Variants in DISP1 observed in about 807,000 individuals in gnomAD.
DISP1 encodes dispatched RND transporter family member 1.
In DISP1, 30 loss-of-function variants were observed where a neutral mutation model predicts 37.3. The observed-to-expected ratio is 0.80, with a 90% confidence interval of 0.60 to 1.09. The LOEUF (loss-of-function observed/expected upper bound fraction) is 1.09, where lower values mean the gene tolerates loss of function less well. Ranked by LOEUF, DISP1 falls within the 50% of genes least tolerant of loss-of-function variation. The pLI is 0.00. For synonymous variants in DISP1, 634 were observed against 690.2 expected (o/e 0.92, Z 1.28); for missense variants, 1,598 against 1,879.5 (o/e 0.85, Z 2.77).
chr1:222,867,648 A>G (rs542644424), intron 1 of DISP1, among the ~76,000 whole-genome samples: 36 of 152,314 alleles, frequency 2.4e-4, no homozygotes, highest in Non-Finnish European at 4.6e-4. Context: ...AGAGGAGGAA[A>G]TGGACCTCCA....
At chr1:222,835,470 C>G (rs1666811063) in intron 1 of DISP1, among the ~76,000 whole-genome samples, 1 of 152,030 alleles carries the variant, frequency 6.6e-6, no homozygotes, top group African/African-American at 2.4e-5. Flanking sequence ...TAATTTGTTT[C>G]CTTGCAAATA....
chr1:222,824,002 A>G (rs956585891), intron 1 of DISP1: 3 of 151,832 alleles, frequency 2.0e-5, no homozygotes, highest in Non-Finnish European at 4.4e-5. Flanking sequence ...ATCTCATTAC[A>G]TTTTTTTGTT....
At chr1:222,937,290 C>G (rs1674017071) in intron 2 of DISP1, among the ~76,000 whole-genome samples, 2 of 151,536 alleles carry the variant, frequency 1.3e-5, no homozygotes, top group South Asian at 4.2e-4. Flanking sequence ...CGAGGTTTCA[C>G]CGTGTTAGCC....
intron 1 of DISP1, among the ~76,000 whole-genome samples, chr1:222,845,917 T>C (rs1238018200): frequency 6.6e-6 from 1 of 152,244 alleles, no homozygotes; most frequent in Non-Finnish European, 1.5e-5. Context: ...TCAATGTCCT[T>C]GGTAGACATT....
At chr1:222,996,320 A>G (rs759311650) in intron 8 of DISP1, among the ~76,000 whole-genome samples, 3 of 152,236 alleles carry the variant, frequency 2.0e-5, no homozygotes, top group Non-Finnish European at 4.4e-5. Flanking sequence ...GAAATTTACT[A>G]TGTGCAAGAC....
At chr1:222,939,712 C>G (rs1302773591) in intron 2 of DISP1, among the ~76,000 whole-genome samples, 1 of 151,798 alleles carries the variant, frequency 6.6e-6, no homozygotes, top group Non-Finnish European at 1.5e-5. Context: ...CACCTGTGAT[C>G]CCTGCTACTC....
intron 2 of DISP1, among the ~76,000 whole-genome samples, chr1:222,931,165 G>T (rs1481064223): frequency 6.6e-6 from 1 of 151,946 alleles, no homozygotes; most frequent in Non-Finnish European, 1.5e-5. Context: ...ACTTTTAAGT[G>T]CTTTATGGTG....
At chr1:222,931,185 A>C (rs902586724) in intron 2 of DISP1, among the ~76,000 whole-genome samples, 1 of 151,982 alleles carries the variant, frequency 6.6e-6, no homozygotes, top group African/African-American at 2.4e-5. Flanking sequence ...GATTGATCTC[A>C]GTTTTTGGCT....
chr1:222,825,553 T>G (rs1318663501), intron 1 of DISP1, among the ~76,000 whole-genome samples: 1 of 146,710 alleles, frequency 6.8e-6, no homozygotes, highest in Non-Finnish European at 1.5e-5. Flanking sequence ...CAGGCTAGAG[T>G]GCAGTGGCAC....
rs1669059637 is a variant in DISP1, at chr1:222,864,407, TA to T, written c.-159+49332del. 3.3e-5 allele frequency among the ~76,000 whole-genome samples: 5 copies of T among 152,226 alleles called. No individual in the cohort carries two copies. The South Asian group carries it at 1.0e-3, about 32-fold the overall frequency. ...AGATGCTAAATAAAACTTTCTTGAG[TA>T]AATAGCTCTCTTCTTACCATTTATT... On this transcript the variant is annotated intron_variant, in intron 1 of 8. Transcript: ENST00000675850.
intron 1 of DISP1, among the ~76,000 whole-genome samples, chr1:222,924,476 A>C (rs913380783): frequency 3.3e-5 from 5 of 152,274 alleles, no homozygotes; most frequent in South Asian, 4.1e-4. Flanking sequence ...GACTAACTTC[A>C]AGTCTTCAGT....
At chr1:222,868,751 T>C (rs1257870266) in intron 1 of DISP1, among the ~76,000 whole-genome samples, 1 of 152,140 alleles carries the variant, frequency 6.6e-6, no homozygotes, top group East Asian at 1.9e-4. Flanking sequence ...TCTTCAATAA[T>C]AACATATGTA....
At chr1:222,871,094 T>C (rs1199847906) in intron 1 of DISP1, among the ~76,000 whole-genome samples, 1 of 152,182 alleles carries the variant, frequency 6.6e-6, no homozygotes. Flanking sequence ...AAAGATCAGA[T>C]AGTTGTAGAT....
Position 223,003,510 on chromosome 1 carries a change from T to C in DISP1, c.2113T>C (p.Phe705Leu). 6.2e-7 allele frequency: 1 copy of C among 1,614,168 alleles called. No individual in the cohort carries two copies. The highest frequency in any genetic ancestry group is 1.3e-5 in the African/African-American group (1 of 75,024). ...TGCCATTTCAGAAGCATCTCGAATT[T>C]TTTTCGAAAAAGTATTGCCATGCAT... ...LFAISEASRI[F>L]FEKVLPCIVI... Residue 705 changes from phenylalanine to leucine, a missense_variant, in exon 9 of 9, where the codon TTT (phenylalanine) becomes CTT (leucine). By Grantham distance (22) the Phe-to-Leu change is conservative. Transcript: ENST00000675850. The surrounding 1 kb of genome is among the most constrained non-coding windows in gnomAD (Gnocchi z 4.3).
At chr1:222,923,327 T>C (rs1000139134) in intron 1 of DISP1, among the ~76,000 whole-genome samples, 7 of 152,174 alleles carry the variant, frequency 4.6e-5, no homozygotes, top group Non-Finnish European at 1.5e-5. Flanking sequence ...GTGAACTGCA[T>C]ATGACTCTTG....
chr1:222,932,295 A>G (rs1673448460), intron 2 of DISP1, among the ~76,000 whole-genome samples: 1 of 151,834 alleles, frequency 6.6e-6, no homozygotes, highest in Non-Finnish European at 1.5e-5. Context: ...CAGAACCTCA[A>G]CCTCTGGGGC....
chr1:222,997,755 T>C (rs1679176878), intron 8 of DISP1, among the ~76,000 whole-genome samples: 1 of 152,198 alleles, frequency 6.6e-6, no homozygotes, highest in Non-Finnish European at 1.5e-5. Flanking sequence ...TTTTAGTACA[T>C]ATTTTCTAAG....
chr1:222,906,251 A>G (rs1671880672), intron 1 of DISP1, among the ~76,000 whole-genome samples: 1 of 152,236 alleles, frequency 6.6e-6, no homozygotes, highest in African/African-American at 2.4e-5. Flanking sequence ...AGACCAGGAA[A>G]GAAAATAAAC....
chr1:222,932,570 A>G (rs1437331534), intron 2 of DISP1, among the ~76,000 whole-genome samples: 1 of 151,922 alleles, frequency 6.6e-6, no homozygotes, highest in Non-Finnish European at 1.5e-5. Flanking sequence ...TTTATTTTGT[A>G]TATTTTTGGT....
Sources: gnomAD v4.1 joint callset for allele counts (sites outside exome capture counted in the v4.1 genomes callset) on GRCh38, gnomAD v4.1.1 for gene constraint, Gnocchi (gnomAD v3.1) non-coding constraint, MANE v1.5 for transcripts, NCBI Gene and HGNC (gene_info 2026-07-23, HGNC 2026-07-21) for gene names.